Variants in PPP3CA observed in about 807,000 individuals in gnomAD.
PPP3CA encodes the protein protein phosphatase 3 catalytic subunit alpha, also known as CAM-PRP catalytic subunit.
Under a neutral mutation model 66.5 loss-of-function variants are expected in PPP3CA, and 14 were observed. The ratio of observed to expected loss-of-function variants is 0.21; its 90% CI spans 0.14 to 0.33. The LOEUF (loss-of-function observed/expected upper bound fraction) is 0.33, where lower values mean the gene tolerates loss of function less well. Ranked by LOEUF, PPP3CA falls within the 10% of genes least tolerant of loss-of-function variation. The pLI is 1.00. For missense variants in PPP3CA, 317 were observed against 639.5 expected, an observed-to-expected ratio of 0.50 and a Z score of 5.44; for synonymous variants, 232 against 226.2, an observed-to-expected ratio of 1.03 and a Z score of -0.23.
chr4:101,268,237 T>C (rs1418740025), intron 1 of PPP3CA, among the ~76,000 whole-genome samples: 1 of 152,056 alleles, frequency 6.6e-6, no homozygotes, highest in Non-Finnish European at 1.5e-5. Context: ...AATTGATAAA[T>C]TCTCATTAAT....
intron 2 of PPP3CA, among the ~76,000 whole-genome samples, chr4:101,156,471 G>A (rs539819030): frequency 2.0e-5 from 3 of 152,144 alleles, no homozygotes; most frequent in South Asian, 2.1e-4. Context: ...ACCTGAAGTC[G>A]GGAGTTCGAG....
intron 10 of PPP3CA, 134 bp downstream of exon 10, chr4:101,060,953 T>C: frequency 1.3e-6 from 1 of 755,208 alleles, no homozygotes; most frequent in South Asian, 1.7e-5. Flanking sequence ...GAAAATGAAA[T>C]CATATCTTTT....
Position 101,248,196 on chromosome 4 carries a change from A to G in PPP3CA, c.59-52080T>C, listed in dbSNP as rs184322816. Among the ~76,000 whole-genome samples the G allele has an allele frequency of 5.0e-3, 761 of 152,292 alleles. 6 individuals carry two copies. The highest frequency in any genetic ancestry group is 0.017 in the African/African-American group (715 of 41,566). On this transcript the variant is annotated intron_variant, in intron 1 of 13. Coordinates refer to ENST00000394854, the MANE Select transcript of PPP3CA (RefSeq NM_000944.5). Reference sequence around the variant, plus strand: ...TCGTTCCTTCCGTCTCTAACATCCTATGACTATTTGCAATTTAGAATGTGG... The same window carrying G: ...TCGTTCCTTCCGTCTCTAACATCCTGTGACTATTTGCAATTTAGAATGTGG...
At chr4:101,097,116 T>A (rs531181470) in intron 5 of PPP3CA, among the ~76,000 whole-genome samples, 1 of 152,248 alleles carries the variant, frequency 6.6e-6, no homozygotes, top group Admixed American at 6.5e-5. Flanking sequence ...GATTAGTGCA[T>A]CACTTATTTG....
chr4:101,194,492 G>A (rs2110189097), intron 2 of PPP3CA, among the ~76,000 whole-genome samples: 1 of 152,214 alleles, frequency 6.6e-6, no homozygotes, highest in East Asian at 1.9e-4. Flanking sequence ...CTTCAAAAAT[G>A]AAAACCTGTA....
At chr4:101,131,570 G>T (rs894850325) in intron 2 of PPP3CA, among the ~76,000 whole-genome samples, 16 of 152,086 alleles carry the variant, frequency 1.1e-4, no homozygotes, top group African/African-American at 3.9e-4. Flanking sequence ...AAATATATAT[G>T]CATCCAATAC....
At chr4:101,032,496 A>C in intron 11 of PPP3CA, 132 bp from the exon 12 acceptor site, 4 of 701,414 alleles carry the variant, frequency 5.7e-6, no homozygotes, top group Non-Finnish European at 9.6e-6. Flanking sequence ...ATCTTTTTTT[A>C]AAATTTTTTT....
At chr4:101,068,901 A>G (rs1426313423) in intron 8 of PPP3CA, among the ~76,000 whole-genome samples, 1 of 152,178 alleles carries the variant, frequency 6.6e-6, no homozygotes, top group African/African-American at 2.4e-5. Context: ...ATGAAGATAG[A>G]CTTCAAGCCT....
chr4:101,278,637 G>C lies in PPP3CA; in HGVS notation c.58+68102C>G, dbSNP rs186359384. ...GCCAACCAGGCCTACCCATAATTCT[G>C]AGGTGTGTCGGCAATGTTATATATA... On this transcript the variant is annotated intron_variant, in intron 1 of 13. Transcript: ENST00000394854. Among the ~76,000 whole-genome samples, 132 of 152,340 alleles carry C rather than the reference G, an allele frequency of 8.7e-4. 1 individual carries two copies. The highest frequency in any genetic ancestry group is 3.0e-3 in the African/African-American group (126 of 41,560).
At chr4:101,162,522 T>A (rs918832887) in intron 2 of PPP3CA, among the ~76,000 whole-genome samples, 1 of 143,012 alleles carries the variant, frequency 7.0e-6, no homozygotes, top group Non-Finnish European at 1.5e-5. Flanking sequence ...AGAGCAAGAC[T>A]CCATCAAAAT....
intron 8 of PPP3CA, among the ~76,000 whole-genome samples, chr4:101,076,339 T>C (rs1254306757): frequency 6.6e-6 from 1 of 151,678 alleles, no homozygotes; most frequent in Non-Finnish European, 1.5e-5. Flanking sequence ...AATCAATGCA[T>C]GTATTGACTG....
chr4:101,311,600 C>T (rs759074956), intron 1 of PPP3CA, among the ~76,000 whole-genome samples: 1 of 151,954 alleles, frequency 6.6e-6, no homozygotes, highest in South Asian at 2.1e-4. Flanking sequence ...GCCAACACGG[C>T]GAAAACCTGT....
intron 1 of PPP3CA, among the ~76,000 whole-genome samples, chr4:101,344,048 A>G (rs960446423): frequency 7.2e-5 from 11 of 152,180 alleles, no homozygotes; most frequent in Non-Finnish European, 1.6e-4. Flanking sequence ...TTCGTAAAAA[A>G]GAGAAAACTT....
At chr4:101,213,758 G>A (rs1725376543) in intron 1 of PPP3CA, among the ~76,000 whole-genome samples, 1 of 152,048 alleles carries the variant, frequency 6.6e-6, no homozygotes. Flanking sequence ...ACAGCTTGTG[G>A]GCAGAGCCAC....
At chr4:101,144,749 T>C (rs1722917210) in intron 2 of PPP3CA, among the ~76,000 whole-genome samples, 1 of 152,172 alleles carries the variant, frequency 6.6e-6, no homozygotes, top group Non-Finnish European at 1.5e-5. Flanking sequence ...AGAAGAATGA[T>C]ATTCTATTTA....
chr4:101,340,193 C>T (rs999296112), intron 1 of PPP3CA, among the ~76,000 whole-genome samples: 3 of 152,108 alleles, frequency 2.0e-5, no homozygotes, highest in Non-Finnish European at 4.4e-5. Context: ...TGCAGACAGA[C>T]ACAAGCAAAA....
intron 11 of PPP3CA, among the ~76,000 whole-genome samples, chr4:101,032,901 A>AAAAC (rs1284301699): frequency 6.6e-6 from 1 of 152,222 alleles, no homozygotes; most frequent in Non-Finnish European, 1.5e-5. Context: ...TGTTACATGA[A>AAAAC]AAACACATAA....
chr4:101,051,775 T>C (rs2110218472), intron 10 of PPP3CA, among the ~76,000 whole-genome samples: 1 of 152,248 alleles, frequency 6.6e-6, no homozygotes, highest in Admixed American at 6.5e-5. Flanking sequence ...CCATTTATGC[T>C]TAGATATGCA....
At chr4:101,113,279 A>C (rs1192913976) in intron 2 of PPP3CA, among the ~76,000 whole-genome samples, 1 of 152,100 alleles carries the variant, frequency 6.6e-6, no homozygotes, top group Non-Finnish European at 1.5e-5. Flanking sequence ...ATGCAGATTC[A>C]CTAACAAGCT....
Sources: gnomAD v4.1 joint callset for allele counts (sites outside exome capture counted in the v4.1 genomes callset) on GRCh38, gnomAD v4.1.1 for gene constraint, MANE v1.5 for transcripts, NCBI Gene and HGNC (gene_info 2026-07-23, HGNC 2026-07-21) for gene names.